Variants in PIGZ observed in about 807,000 individuals in gnomAD.
The protein encoded by PIGZ is phosphatidylinositol glycan anchor biosynthesis class Z (Gwada blood group).
A neutral mutation model predicts 16.4 loss-of-function variants in PIGZ; 16 were observed. That is an observed-to-expected ratio of 0.97 (90% CI 0.66 to 1.48). The LOEUF is 1.48. Among genes scored for constraint, PIGZ ranks in the 40% most tolerant of loss-of-function variants. The pLI is 0.00. For synonymous variants in PIGZ, 409 were observed against 338.4 expected (o/e 1.21, Z -2.29); for missense variants, 770 against 739.2 (o/e 1.04, Z -0.48).
intron 1 of PIGZ, among the ~76,000 whole-genome samples, chr3:196,959,194 G>T (rs975433619): frequency 6.6e-6 from 1 of 152,102 alleles, no homozygotes; most frequent in African/African-American, 2.4e-5. Context: ...TCTCACCCTC[G>T]CCCACTCTTA....
At chr3:196,955,853 A>G (rs1416963204) in intron 1 of PIGZ, among the ~76,000 whole-genome samples, 1 of 151,970 alleles carries the variant, frequency 6.6e-6, no homozygotes, top group African/African-American at 2.4e-5. Flanking sequence ...TGCTGGGATT[A>G]CAGATGTCAG....
intron 1 of PIGZ, among the ~76,000 whole-genome samples, chr3:196,952,511 C>T (rs1717327703): frequency 6.6e-6 from 1 of 152,222 alleles, no homozygotes; most frequent in Non-Finnish European, 1.5e-5. Flanking sequence ...GATCTGGGCT[C>T]ACCGCAACCT....
chr3:196,964,538 A>G (rs2108920348), intron 1 of PIGZ, among the ~76,000 whole-genome samples: 1 of 150,838 alleles, frequency 6.6e-6, no homozygotes, highest in African/African-American at 2.4e-5. Flanking sequence ...TTGTATTTTT[A>G]GTAGAGATGG....
chr3:196,947,926 AG>A lies in PIGZ; in HGVS notation c.970del (p.Leu324CysfsTer31), dbSNP rs1364129650. On this transcript the variant is annotated frameshift_variant, in exon 3 of 3. Coordinates refer to ENST00000412723, the MANE Select transcript of PIGZ (RefSeq NM_025163.4). LOFTEE classifies it low-confidence loss of function (END_TRUNC). ...RLTHLAVNGF[L>X]LFGVLHAQAL... ...CTGGGCATGCAGCACCCCGAAGAGC[AG>A]GAAGCCGTTGACTGCCAGGTGAGTG... 1 of 1,613,914 alleles carries A rather than the reference AG, an allele frequency of 6.2e-7. No homozygotes were observed. Among genetic ancestry groups the A allele is most frequent in the East Asian group, 2.2e-5 (1 of 44,878 alleles).
intron 2 of PIGZ, among the ~76,000 whole-genome samples, chr3:196,948,941 T>TCCTTCCCTTCCCCTCCCCTCCCTTCCTTC (rs1553836826): frequency 1.1e-4 from 1 of 8,740 alleles, no homozygotes; most frequent in African/African-American, 1.2e-3. Context: ...TTACTTCCCT[T>TCCTTCCCTTCCCCTCCCCTCCCTTCCTTC]CCTTCCCCTC....
rs530080895 is a variant in PIGZ, at chr3:196,948,660, C to T, written c.237G>A (p.Ala79=). The T allele has an allele frequency of 3.3e-4, 478 of 1,461,398 alleles. 4 individuals are homozygous for T. In the South Asian group the frequency reaches 6.2e-3, roughly 19 times the overall value. 90.5% of individuals were successfully genotyped at this position (1,461,398 alleles called of 1,614,324 possible). A position where few individuals can be genotyped will look rare whatever the true frequency, so the allele number is the denominator to read the frequency against. The change falls in exon 3 of 3, where the codon GCG becomes GCA. Residue 79 remains alanine, a synonymous_variant. Transcript: ENST00000412723. ...MAEDILGVQA[A]RPWEFYPSSS... ...TGCTGGGGTAAAACTCCCAGGGCCG[C>T]GCGGCCTGAACGCCCAGGATGTCCT...
intron 2 of PIGZ, among the ~76,000 whole-genome samples, chr3:196,949,951 G>A (rs1717203293): frequency 6.6e-6 from 1 of 152,028 alleles, no homozygotes; most frequent in South Asian, 2.1e-4. Context: ...TCAGGGTTAT[G>A]TCAGAGGTGA....
At position 196,948,156 on chromosome 3, in the gene PIGZ, T is replaced by A; in HGVS notation, c.741A>T (p.Thr247=). 2 of 1,612,242 alleles carry A rather than the reference T, an allele frequency of 1.2e-6. No individual in the cohort carries two copies. Among genetic ancestry groups the A allele is most frequent in the Non-Finnish European group, 1.7e-6 (2 of 1,178,872 alleles). The part of the protein sequence containing the change: ...PLYLWGTRGA[T]NPGLKSLTRE... Reference sequence around the variant, plus strand: ...GGGTCAGAGACTTCAAACCAGGGTTTGTGGCTCCACGAGTGCCCCAGAGGT... The same window carrying A: ...GGGTCAGAGACTTCAAACCAGGGTTAGTGGCTCCACGAGTGCCCCAGAGGT... Residue 247 remains threonine (T), a synonymous_variant, in exon 3 of 3, where the codon ACA becomes ACT. Transcript: ENST00000412723.
intron 1 of PIGZ, among the ~76,000 whole-genome samples, chr3:196,964,570 C>T (rs1460874133): frequency 6.7e-6 from 1 of 149,104 alleles, no homozygotes; most frequent in Non-Finnish European, 1.5e-5. Context: ...CTTGGCCAGG[C>T]TGGTCTCAAA....
Position 196,948,592 on chromosome 3 carries a change from G to C in PIGZ, c.305C>G (p.Ser102Cys). ...SVLFPLLISG[S>C]TFWLLRLWEE... ...CCAGAGCCTGAGCAGCCAGAAGGTG[G>C]AACCAGAGATCAGCAGGGGGAAGAG... is the stretch of plus-strand genomic sequence containing the variant. The change falls in exon 3 of 3, where the codon TCC becomes TGC. Residue 102 changes from serine (S) to cysteine (C), a missense_variant. Coordinates refer to ENST00000412723, the MANE Select transcript of PIGZ (RefSeq NM_025163.4). 1 of 1,577,720 alleles carries C rather than the reference G, an allele frequency of 6.3e-7. No homozygotes were observed. The highest frequency in any genetic ancestry group is 8.6e-7 in the Non-Finnish European group (1 of 1,163,512).
Position 196,947,667 on chromosome 3 carries a change from C to A in PIGZ, c.1230G>T (p.Val410=). The A allele has an allele frequency of 6.2e-7, 1 of 1,611,508 alleles. No individual in the cohort carries two copies. Among genetic ancestry groups the A allele is most frequent in the Non-Finnish European group, 8.5e-7 (1 of 1,178,388 alleles). The change falls in exon 3 of 3, where the codon GTG becomes GTT. Residue 410 remains valine (V), a synonymous_variant. Coordinates refer to ENST00000412723, the MANE Select transcript of PIGZ (RefSeq NM_025163.4). The stretch of plus-strand genomic sequence containing the variant: ...AGAGGACCACAGTGCCCTTCCAAGG[C>A]ACAGGCTGCGTCTGTGGACTACAAA... ...VLLCSPQTQP[V]PWKGTVVLFN...
Position 196,951,930 on chromosome 3 carries a change from G to A in PIGZ, c.102C>T (p.Val34=). The change falls in exon 2 of 3, where the codon GTC becomes GTT. Residue 34 remains valine (V), a synonymous_variant. Coordinates refer to ENST00000412723, the MANE Select transcript of PIGZ (RefSeq NM_025163.4). ...CWQQLDLKMA[V]RVLWGGLSLL... is the part of the protein sequence containing the mutation. The stretch of plus-strand genomic sequence containing the variant: ...GGCTGAGACCACCCCAAAGCACCCT[G>A]ACTGCCATCTTCAGATCCAGTTGTT... The A allele has an allele frequency of 6.2e-7, 1 of 1,614,152 alleles. No individual in the cohort carries two copies. The highest frequency in any genetic ancestry group is 1.3e-5 in the African/African-American group (1 of 75,030).
intron 1 of PIGZ, among the ~76,000 whole-genome samples, chr3:196,958,124 C>T (rs539714068): frequency 1.3e-5 from 2 of 152,198 alleles, no homozygotes; most frequent in South Asian, 2.1e-4. Flanking sequence ...ACATTTTCTT[C>T]GGCTTACATA....
rs1462874655 is a variant in PIGZ, at chr3:196,968,060, A to C, written c.-1+627T>G. Among the ~76,000 whole-genome samples, 10 of 152,238 alleles carry C rather than the reference A, an allele frequency of 6.6e-5. No homozygotes were observed. In the South Asian group the frequency reaches 2.1e-3, roughly 31 times the overall value. ...CTTTCCCGGCCACACTGTGAGTCCC[A>C]CGCAAAGACCCCATGACCACCAACC... On this transcript the variant is annotated intron_variant, in intron 1 of 2. Coordinates refer to ENST00000412723, the MANE Select transcript of PIGZ (RefSeq NM_025163.4).
intron 1 of PIGZ, among the ~76,000 whole-genome samples, chr3:196,952,538 A>C (rs1011527254): frequency 1.6e-4 from 25 of 152,162 alleles, no homozygotes; most frequent in African/African-American, 5.8e-4. Context: ...CCCAGGTTCA[A>C]GTGATTCTCC....
rs17855662 is a variant in PIGZ, at chr3:196,947,436, C to G, written c.1461G>C (p.Met487Ile). The change falls in exon 3 of 3, where the codon ATG (methionine) becomes ATC (isoleucine). Residue 487 changes from methionine (M) to isoleucine (I), a missense_variant. By Grantham distance (10) the Met-to-Ile change is conservative. Coordinates refer to ENST00000412723, the MANE Select transcript of PIGZ (RefSeq NM_025163.4). ...GLGAPVEVVDMGGTEDWALCQ... is the reference protein window; with the variant it reads ...GLGAPVEVVDIGGTEDWALCQ... ...ACAGGGCCCAGTCCTCAGTCCCCCC[C>G]ATGTCCACCACCTCCACTGGTGCCC... 4 of 1,613,734 alleles carry G rather than the reference C, an allele frequency of 2.5e-6. No individual in the cohort carries two copies. The highest frequency in any genetic ancestry group is 2.5e-6 in the Non-Finnish European group (3 of 1,180,016).
At position 196,956,056 on chromosome 3, in the gene PIGZ, T is replaced by C. The variant is rs571083039; in HGVS notation, c.1-4025A>G. Among the ~76,000 whole-genome samples, 245 of 152,034 alleles carry C rather than the reference T, an allele frequency of 1.6e-3. 2 individuals are homozygous for C. Among genetic ancestry groups the C allele is most frequent in the African/African-American group, 5.0e-3 (208 of 41,536 alleles). On this transcript the variant is annotated intron_variant, in intron 1 of 2. Transcript: ENST00000412723. The stretch of plus-strand genomic sequence containing the variant: ...TTCCAATATGCTATAAAATACCATA[T>C]ATTATTTAATATTTTAATATTTAGT...
chr3:196,960,356 G>A (rs1237804985), intron 1 of PIGZ, among the ~76,000 whole-genome samples: 1 of 152,140 alleles, frequency 6.6e-6, no homozygotes, highest in East Asian at 1.9e-4. Context: ...AGGCCCTTAA[G>A]GATGACAATA....
At chr3:196,949,313 C>A (rs1169891008) in intron 2 of PIGZ, among the ~76,000 whole-genome samples, 1 of 151,996 alleles carries the variant, frequency 6.6e-6, no homozygotes, top group African/African-American at 2.4e-5. Context: ...TGGGCCGGAC[C>A]TAATCACAAC....
Sources: gnomAD v4.1 joint callset for allele counts (sites outside exome capture counted in the v4.1 genomes callset) on GRCh38, gnomAD v4.1.1 for gene constraint, MANE v1.5 for transcripts, NCBI Gene and HGNC (gene_info 2026-07-23, HGNC 2026-07-21) for gene names.